Variants in GNPTAB observed in about 807,000 individuals in gnomAD.
GNPTAB encodes the protein N-acetylglucosamine-1-phosphotransferase subunits alpha/beta.
A neutral mutation model predicts 136.6 loss-of-function variants in GNPTAB; 92 were observed. The observed-to-expected ratio is 0.67, with a 90% CI of 0.57 to 0.80. The LOEUF is 0.80. GNPTAB is among the 30% of genes least tolerant of loss of function. GNPTAB has a pLI of 0.00. For missense variants in GNPTAB, 1,343 were observed against 1,501.8 expected (o/e 0.89, Z 1.75); for synonymous variants, 512 against 535.1 (o/e 0.96, Z 0.60).
intron 3 of GNPTAB, 93 bp from the exon 4 acceptor site, chr12:101,788,682 T>C (rs1868812579): frequency 2.7e-6 from 2 of 746,220 alleles, no homozygotes. Flanking sequence ...TAAACTTTCA[T>C]ATTTTATTAG....
chr12:101,823,663 A>C (rs1870931470), intron 1 of GNPTAB, among the ~76,000 whole-genome samples: 1 of 152,008 alleles, frequency 6.6e-6, no homozygotes, highest in Admixed American at 6.6e-5. Flanking sequence ...CAATGTGATA[A>C]CATTCATTAA....
chr12:101,791,143 C>G (rs1374919165), intron 2 of GNPTAB, among the ~76,000 whole-genome samples: 4 of 152,166 alleles, frequency 2.6e-5, no homozygotes, highest in African/African-American at 9.7e-5. Context: ...ATCTTGTCCT[C>G]ATAATAAAGA....
At chr12:101,795,240 G>A (rs1869211892) in intron 2 of GNPTAB, among the ~76,000 whole-genome samples, 2 of 152,172 alleles carry the variant, frequency 1.3e-5, no homozygotes, top group Non-Finnish European at 2.9e-5. Context: ...GAAACTCTGG[G>A]CTGGGAAGTA....
At chr12:101,783,231 C>T (rs1868445176) in intron 5 of GNPTAB, among the ~76,000 whole-genome samples, 1 of 151,980 alleles carries the variant, frequency 6.6e-6, no homozygotes, top group Non-Finnish European at 1.5e-5. Flanking sequence ...ACTTAATAAG[C>T]ACTCATTAAA....
chr12:101,765,577 GGTAT>G (rs1195707554), intron 12 of GNPTAB: 1 of 448,508 alleles, frequency 2.2e-6, no homozygotes, highest in African/African-American at 2.0e-5. Flanking sequence ...AACAGTTACT[GGTAT>G]AGGGCTTATT....
chr12:101,805,924 C>A (rs1869911225), intron 1 of GNPTAB, among the ~76,000 whole-genome samples: 1 of 152,086 alleles, frequency 6.6e-6, no homozygotes, highest in Non-Finnish European at 1.5e-5. Flanking sequence ...ATGTTTAGAT[C>A]ATTAAACATG....
At chr12:101,775,508 C>T (rs188595217) in intron 7 of GNPTAB, among the ~76,000 whole-genome samples, 5 of 151,954 alleles carry the variant, frequency 3.3e-5, no homozygotes, top group Admixed American at 1.3e-4. Context: ...TACAGGCACA[C>T]GCCACCACAT....
chr12:101,823,581 G>A (rs1870923846), intron 1 of GNPTAB, among the ~76,000 whole-genome samples: 1 of 132,908 alleles, frequency 7.5e-6, no homozygotes, highest in Admixed American at 8.9e-5. Flanking sequence ...CTGCACTCCA[G>A]CCTGGGAGAC....
At chr12:101,776,167 T>G (rs931772807) in intron 7 of GNPTAB, among the ~76,000 whole-genome samples, 2 of 152,218 alleles carry the variant, frequency 1.3e-5, no homozygotes, top group Non-Finnish European at 2.9e-5. Context: ...GAGAATTCAC[T>G]TGACAGCTTT....
intron 10 of GNPTAB, 113 bp downstream of exon 10, chr12:101,769,908 G>A: frequency 8.4e-6 from 9 of 1,074,012 alleles, no homozygotes; most frequent in Non-Finnish European, 1.1e-5. Context: ...TGGGATTACA[G>A]GTGTGAGCCA....
chr12:101,758,223 G>C (rs1171600134), intron 16 of GNPTAB, among the ~76,000 whole-genome samples: 2 of 152,148 alleles, frequency 1.3e-5, no homozygotes, highest in African/African-American at 2.4e-5. Context: ...ATTTTTAGTA[G>C]ATACAGGGTT....
intron 18 of GNPTAB, among the ~76,000 whole-genome samples, chr12:101,754,063 C>G (rs1289985524): frequency 6.6e-6 from 1 of 151,742 alleles, no homozygotes; most frequent in Non-Finnish European, 1.5e-5. Context: ...GTAGGAGAAT[C>G]GCTTGAACCT....
At chr12:101,766,395 T>G (rs1313593404) in intron 11 of GNPTAB, 101 bp from the exon 12 acceptor site, 32 of 1,015,412 alleles carry the variant, frequency 3.2e-5, no homozygotes, top group Non-Finnish European at 4.8e-5. Flanking sequence ...CTCAACACTT[T>G]GGGAGGCAGA....
intron 5 of GNPTAB, chr12:101,785,681 TG>T (rs369514148): frequency 1.1e-3 from 304 of 267,116 alleles, no homozygotes; most frequent in African/African-American, 6.7e-3. Flanking sequence ...CTGCCCAAAC[TG>T]CAGAACGCTA....
intron 2 of GNPTAB, chr12:101,796,388 A>G (rs1869290869): frequency 7.5e-6 from 5 of 663,784 alleles, no homozygotes; most frequent in South Asian, 1.7e-5. Flanking sequence ...TCAGATGGAC[A>G]TATTTTCTTT....
Position 101,805,659 on chromosome 12 carries a change from A to G in GNPTAB, c.118-8897T>C, listed in dbSNP as rs11111035. Among the ~76,000 whole-genome samples, 713 of 152,284 alleles carry G rather than the reference A, an allele frequency of 4.7e-3. 2 individuals carry two copies. Among genetic ancestry groups the G allele is most frequent in the African/African-American group, 0.017 (696 of 41,544 alleles). On this transcript the variant is annotated intron_variant, in intron 1 of 20. Transcript: ENST00000299314. ...GATCTGCCTGCTTCTGCCTCCCAAAATGCTGGGATTCAGGCCTGAGCCAGG... is the reference window on the plus strand; with the variant it reads ...GATCTGCCTGCTTCTGCCTCCCAAAGTGCTGGGATTCAGGCCTGAGCCAGG...
intron 4 of GNPTAB, among the ~76,000 whole-genome samples, chr12:101,787,774 G>A (rs1004551077): frequency 1.3e-4 from 20 of 152,064 alleles, no homozygotes; most frequent in Non-Finnish European, 8.8e-5. Flanking sequence ...TTAGTCAGGC[G>A]TGGTGGTGCA....
In GNPTAB at chr12:101,830,667, G is replaced by C. The variant is rs573282230; in HGVS notation, c.9C>G (p.Phe3Leu). 6.4e-5 allele frequency: 102 copies of C among 1,587,734 alleles called. No individual in the cohort carries two copies. The highest frequency in any genetic ancestry group is 8.4e-5 in the Admixed American group (5 of 59,880). The change falls in exon 1 of 21, where the codon TTC becomes TTG. Residue 3 changes from phenylalanine to leucine, a missense_variant. Coordinates refer to ENST00000299314, the MANE Select transcript of GNPTAB (RefSeq NM_024312.5). The stretch of plus-strand genomic sequence containing the variant: ...TATAGGTCTGTCTCTGCAGGAGCTT[G>C]AACAGCATCACCCCTTCACCGCCAC... Reference protein sequence around the residue: MLFKLLQRQTYTC... With the variant: MLLKLLQRQTYTC...
In GNPTAB at chr12:101,830,719, C is replaced by T; in HGVS notation, c.-44G>A. The T allele has an allele frequency of 9.5e-7, 1 of 1,057,230 alleles. No homozygotes were observed. Among genetic ancestry groups the T allele is most frequent in the Non-Finnish European group, 1.4e-6 (1 of 722,826 alleles). The allele number at this position is 1,057,230 out of a possible 1,614,324, so 65.5% of individuals were successfully genotyped here. On this transcript the variant is annotated 5_prime_UTR_variant, in exon 1 of 21. Transcript: ENST00000299314. Reference sequence around the variant, plus strand: ...CCACGCCCCGAGGAGCCTGAGCCGCCGCCGCCGCCGCCGCCGCCTCAGCGA... The same window carrying T: ...CCACGCCCCGAGGAGCCTGAGCCGCTGCCGCCGCCGCCGCCGCCTCAGCGA...
Sources: gnomAD v4.1 joint callset for allele counts (sites outside exome capture counted in the v4.1 genomes callset) on GRCh38, gnomAD v4.1.1 for gene constraint, MANE v1.5 for transcripts, NCBI Gene and HGNC (gene_info 2026-07-23, HGNC 2026-07-21) for gene names.